MPRIP: variants seen among roughly 807,000 people sequenced by gnomAD.
The protein encoded by MPRIP is myosin phosphatase Rho interacting protein.
MPRIP carries 59 observed loss-of-function variants against 234.9 expected under a neutral mutation model. The ratio of observed to expected loss-of-function variants is 0.25; its 90% CI spans 0.20 to 0.31. The LOEUF (loss-of-function observed/expected upper bound fraction) is 0.31. Among genes scored for constraint, MPRIP ranks in the 10% least tolerant of loss-of-function variants. The pLI, the probability that MPRIP is intolerant of heterozygous loss-of-function variation, is 1.00. For synonymous variants in MPRIP, 1,144 were observed against 1,263.9 expected, an observed-to-expected ratio of 0.91 and a Z score of 2.01; for missense variants, 2,436 against 3,071.0, an observed-to-expected ratio of 0.79 and a Z score of 4.89.
At position 17,167,996 on chromosome 17, in the gene MPRIP, T is replaced by C. The variant is rs776303528; in HGVS notation, c.6324+81T>C. 29 of 1,112,262 alleles carry C rather than the reference T, an allele frequency of 2.6e-5. No individual in the cohort carries two copies. The highest frequency in any genetic ancestry group is 3.3e-5 in the Non-Finnish European group (28 of 845,450). 68.9% of individuals were successfully genotyped at this position (1,112,262 alleles called of 1,614,324 possible). A position where few individuals can be genotyped will look rare whatever the true frequency, so the allele number is the denominator to read the frequency against. ...GTGGGGACGTCTGGCTCAGCTACCGTGCAGGCAGAATTGAGGGGATATGCT... is the reference window on the plus strand; with the variant it reads ...GTGGGGACGTCTGGCTCAGCTACCGCGCAGGCAGAATTGAGGGGATATGCT... On this transcript the variant is annotated intron_variant, in intron 16 of 23. Coordinates refer to ENST00000651222, the MANE Select transcript of MPRIP (RefSeq NM_001364716.4). The surrounding 1 kb of genome is among the most constrained non-coding windows in gnomAD (Gnocchi z 5.9).
At position 17,150,157 on chromosome 17, in the gene MPRIP, A is replaced by G. The variant is rs867240370; in HGVS notation, c.1643A>G (p.Asp548Gly). 17 of 1,613,696 alleles carry G rather than the reference A, an allele frequency of 1.1e-5. No individual in the cohort carries two copies. In the Middle Eastern group the frequency reaches 5.0e-4, roughly 47 times the overall value. ...TTCCCTCGGCAGGCAGCCGACTTGG[A>G]TGGAGAAATTGACTTGTCCGCATGT... ...DSVAEEAADL[D>G]GEIDLSACYD... is the part of the protein sequence containing the mutation. Residue 548 changes from aspartate (D) to glycine (G), a missense_variant, in exon 12 of 24, where the codon GAT becomes GGT. Physicochemically the swap from Asp to Gly is moderately conservative, Grantham distance 94 (BLOSUM62 -1). This residue lies in a region of MPRIP where 1,998 missense variants were observed against 2,520.3 expected (regional missense o/e 0.79). Coordinates refer to ENST00000651222, the MANE Select transcript of MPRIP (RefSeq NM_001364716.4).
chr17:17,045,260 G>T (rs1032765650), intron 1 of MPRIP, among the ~76,000 whole-genome samples: 2 of 152,196 alleles, frequency 1.3e-5, no homozygotes, highest in African/African-American at 4.8e-5. Context: ...CTTTTGCTCT[G>T]GAGATGTCAT....
intron 13 of MPRIP, among the ~76,000 whole-genome samples, chr17:17,157,478 T>A (rs993540054): frequency 1.3e-5 from 2 of 152,166 alleles, no homozygotes; most frequent in African/African-American, 4.8e-5. Context: ...CCCTCACCCT[T>A]AGGAGGTCCC....
intron 8 of MPRIP, among the ~76,000 whole-genome samples, chr17:17,143,070 T>G (rs868597330): frequency 8.5e-5 from 13 of 152,178 alleles, no homozygotes; most frequent in African/African-American, 3.1e-4. Flanking sequence ...TCCTAACTCT[T>G]TCTTTCAGTA....
In MPRIP at chr17:17,075,740, C is replaced by T. The variant is rs973567681; in HGVS notation, c.154C>T (p.Leu52=). ...ACCCATTTATGGCGGTTGGCTGCTC[C>T]TGGCTCCAGATGGGACCGACTTTGA... is the stretch of plus-strand genomic sequence containing the variant. The part of the protein sequence containing the change: ...AKPIYGGWLL[L]APDGTDFDNP... Residue 52 remains leucine (L), a synonymous_variant, in exon 2 of 24, where the codon CTG becomes TTG. Coordinates refer to ENST00000651222, the MANE Select transcript of MPRIP (RefSeq NM_001364716.4). 2.8e-5 allele frequency: 45 copies of T among 1,614,070 alleles called. No homozygotes were observed. The highest frequency in any genetic ancestry group is 3.5e-5 in the Non-Finnish European group (41 of 1,180,038).
intron 3 of MPRIP, among the ~76,000 whole-genome samples, chr17:17,111,726 T>A (rs2090175453): frequency 6.6e-6 from 1 of 152,190 alleles, no homozygotes; most frequent in African/African-American, 2.4e-5. Flanking sequence ...ACTCAGCTGT[T>A]ACGGGCGGTA....
intron 4 of MPRIP, among the ~76,000 whole-genome samples, 196 bp downstream of exon 4, chr17:17,127,049 G>A (rs905432304): frequency 1.3e-5 from 2 of 152,198 alleles, no homozygotes; most frequent in African/African-American, 4.8e-5. Context: ...TCCACCTGCA[G>A]CCTCTGGGGC....
chr17:17,160,528 A>T (rs1050049826), intron 14 of MPRIP, among the ~76,000 whole-genome samples: 9 of 152,226 alleles, frequency 5.9e-5, no homozygotes, highest in Admixed American at 5.9e-4. Context: ...ATCAGGAGGC[A>T]CCTGGGAGGT....
At chr17:17,054,150 C>T (rs1004466066) in intron 1 of MPRIP, among the ~76,000 whole-genome samples, 4 of 152,094 alleles carry the variant, frequency 2.6e-5, no homozygotes, top group African/African-American at 9.7e-5. Context: ...TGAATAAAAA[C>T]AAGTAAGATC....
intron 9 of MPRIP, 83 bp downstream of exon 9, chr17:17,143,752 G>T: frequency 2.3e-6 from 2 of 859,762 alleles, no homozygotes; most frequent in East Asian, 3.1e-5. Flanking sequence ...CTGTCTATGC[G>T]TCCATGCCAG....
chr17:17,185,853 T>C lies in MPRIP; in HGVS notation c.*959T>C. On this transcript the variant is annotated 3_prime_UTR_variant, in exon 24 of 24. Transcript: ENST00000651222. The stretch of plus-strand genomic sequence containing the variant: ...GAAGAAAGTACAGAGGATGTCAGAA[T>C]CTGATGAGAACAGCACATTAGTGTT... The C allele has an allele frequency of 3.5e-6, 1 of 286,452 alleles. No homozygotes were observed. The highest frequency in any genetic ancestry group is 3.2e-5 in the South Asian group (1 of 31,386). 17.7% of individuals were successfully genotyped at this position (286,452 alleles called of 1,614,324 possible). A position where few individuals can be genotyped will look rare whatever the true frequency, so the allele number is the denominator to read the frequency against.
chr17:17,165,909 G>A lies in MPRIP; in HGVS notation c.4318G>A (p.Val1440Ile), dbSNP rs765170233. Residue 1440 changes from valine (V) to isoleucine (I), a missense_variant, in exon 16 of 24, where the codon GTT (valine) becomes ATT (isoleucine). Coordinates refer to ENST00000651222, the MANE Select transcript of MPRIP (RefSeq NM_001364716.4). ...GCAGCTCCGCGCCAGCCTGCTCCAG[G>A]TTGGCGCACTGGCCTCCCAGCTGGA... is the stretch of plus-strand genomic sequence containing the variant. ...REQLRASLLQVGALASQLEQE... is the reference protein window; with the variant it reads ...REQLRASLLQIGALASQLEQE... The A allele has an allele frequency of 7.7e-7, 1 of 1,303,918 alleles. No homozygotes were observed. The highest frequency in any genetic ancestry group is 2.3e-5 in the Admixed American group (1 of 43,528). 80.8% of individuals were successfully genotyped at this position (1,303,918 alleles called of 1,614,324 possible).
intron 3 of MPRIP, among the ~76,000 whole-genome samples, chr17:17,089,977 A>G (rs2089677417): frequency 6.6e-6 from 1 of 152,086 alleles, no homozygotes. Flanking sequence ...GAGCCCCTCA[A>G]TGTGTAGAGC....
At chr17:17,050,335 A>AAG (rs398030452) in intron 1 of MPRIP, among the ~76,000 whole-genome samples, 1 of 144,978 alleles carries the variant, frequency 6.9e-6, no homozygotes, top group Non-Finnish European at 1.5e-5. Context: ...AAAAAAAAAA[A>AAG]GAGGTGAAAT....
intron 1 of MPRIP, among the ~76,000 whole-genome samples, chr17:17,061,635 C>G (rs1042065264): frequency 7.2e-5 from 11 of 152,236 alleles, no homozygotes; most frequent in Non-Finnish European, 1.6e-4. Context: ...GCATCAGCCC[C>G]TACAGGTGTG....
At chr17:17,047,601 G>C (rs2088394950) in intron 1 of MPRIP, among the ~76,000 whole-genome samples, 1 of 152,176 alleles carries the variant, frequency 6.6e-6, no homozygotes, top group South Asian at 2.1e-4. Flanking sequence ...ATTCTCTCCA[G>C]ATCAGTGCTG....
Position 17,166,335 on chromosome 17 carries a change from T to A in MPRIP, c.4744T>A (p.Ser1582Thr), listed in dbSNP as rs1442186910. 7.7e-7 allele frequency: 1 copy of A among 1,304,478 alleles called. No individual in the cohort carries two copies. The highest frequency in any genetic ancestry group is 1.0e-6 in the Non-Finnish European group (1 of 989,052). 80.8% of individuals were successfully genotyped at this position (1,304,478 alleles called of 1,614,324 possible). ...EASLISQIAD[S>T]LKNTTSDVSR... ...CTCGCTGATCAGCCAGATAGCAGATTCCCTGAAGAACACAACATCAGATGT... is the reference window on the plus strand; with the variant it reads ...CTCGCTGATCAGCCAGATAGCAGATACCCTGAAGAACACAACATCAGATGT... Residue 1582 changes from serine to threonine, a missense_variant, in exon 16 of 24, where the codon TCC becomes ACC. Around this residue, in one of 4 missense-constraint regions of MPRIP, gnomAD observed 1,998 missense variants for 2,520.3 expected, o/e 0.79. Coordinates refer to ENST00000651222, the MANE Select transcript of MPRIP (RefSeq NM_001364716.4). This position sits in a 1 kb window ranked among gnomAD's most constrained non-coding sequence, Gnocchi z 4.4.
Position 17,189,024 on chromosome 17 carries a change from G to C in MPRIP, c.*4130G>C, listed in dbSNP as rs1453345661. 1.3e-5 allele frequency: 2 copies of C among 152,078 alleles called. No homozygotes were observed. Among genetic ancestry groups the C allele is most frequent in the African/African-American group, 4.8e-5 (2 of 41,372 alleles). The allele number at this position is 152,078 out of a possible 1,614,324, so 9.4% of individuals were successfully genotyped here. On this transcript the variant is annotated 3_prime_UTR_variant, in exon 24 of 24. Transcript: ENST00000651222. ...CTCCCAGCTACTCATTCACTGACTTGGGTAAGTTCTAAGACAGTTCGCACT... is the reference window on the plus strand; with the variant it reads ...CTCCCAGCTACTCATTCACTGACTTCGGTAAGTTCTAAGACAGTTCGCACT...
intron 1 of MPRIP, among the ~76,000 whole-genome samples, chr17:17,047,133 A>G (rs1005811880): frequency 2.6e-5 from 4 of 152,224 alleles, no homozygotes; most frequent in Admixed American, 2.0e-4. Context: ...TTGAGCCAAG[A>G]TCGTGCCACA....
Sources: allele counts gnomAD v4.1 joint callset (sites outside exome capture counted in the v4.1 genomes callset), GRCh38; gene constraint gnomAD v4.1.1; regional missense constraint gnomAD v4.1.1; non-coding constraint Gnocchi (gnomAD v3.1); transcripts MANE v1.5; gene names NCBI Gene and HGNC (gene_info 2026-07-23, HGNC 2026-07-21).